ABCC3: variants seen among roughly 807,000 people sequenced by gnomAD.
ABCC3 encodes ATP binding cassette subfamily C member 3.
In ABCC3, 121 loss-of-function variants were observed where a neutral mutation model predicts 165.3. The observed-to-expected ratio is 0.73, with a 90% CI of 0.63 to 0.85. The LOEUF is 0.85. Ranked by LOEUF, ABCC3 falls within the 40% of genes least tolerant of loss-of-function variation. The pLI is 0.00. For synonymous variants in ABCC3, 733 were observed against 810.1 expected, an observed-to-expected ratio of 0.90 and a Z score of 1.62; for missense variants, 1,869 against 1,964.1, an observed-to-expected ratio of 0.95 and a Z score of 0.92.
intron 26 of ABCC3, among the ~76,000 whole-genome samples, chr17:50,683,350 TA>T (rs1202475371): frequency 0.04 from 4,478 of 111,362 alleles, 106 homozygotes; most frequent in African/African-American, 0.085. Flanking sequence ...TCTCAAAAAT[TA>T]AAAAAAAAAA....
Position 50,671,194 on chromosome 17 carries a change from T to G in ABCC3, c.2241+1666T>G, listed in dbSNP as rs73346364. Among the ~76,000 whole-genome samples, 1,440 of 151,368 alleles carry G rather than the reference T, an allele frequency of 9.5e-3. 19 individuals are homozygous for G. The highest frequency in any genetic ancestry group is 0.033 in the African/African-American group (1,338 of 41,138). ...TTGCGTAAGCCCAGGAGGCGGAGGT[T>G]GCAATGAACTGAGATTGATTGTATC... is the stretch of plus-strand genomic sequence containing the variant. On this transcript the variant is annotated intron_variant, in intron 17 of 30. Coordinates refer to ENST00000285238, the MANE Select transcript of ABCC3 (RefSeq NM_003786.4).
chr17:50,689,703 A>G (rs1185266342), intron 30 of ABCC3, among the ~76,000 whole-genome samples: 2 of 152,062 alleles, frequency 1.3e-5, no homozygotes, highest in African/African-American at 2.4e-5. Flanking sequence ...TGTCTGTTCC[A>G]TCCCTCTCCT....
intron 1 of ABCC3, among the ~76,000 whole-genome samples, chr17:50,639,321 T>C (rs1351775163): frequency 1.3e-5 from 2 of 152,170 alleles, no homozygotes; most frequent in Non-Finnish European, 1.5e-5. Flanking sequence ...GGCTGGCTTC[T>C]CCTCAATCCT....
intron 30 of ABCC3, among the ~76,000 whole-genome samples, chr17:50,689,910 T>C (rs535378444): frequency 1.7e-4 from 26 of 152,294 alleles, no homozygotes; most frequent in Non-Finnish European, 3.1e-4. Flanking sequence ...AGTTCATTCA[T>C]TCTAGTGGAA....
intron 17 of ABCC3, among the ~76,000 whole-genome samples, chr17:50,672,162 C>G (rs1481741407): frequency 6.6e-6 from 1 of 152,176 alleles, no homozygotes; most frequent in Non-Finnish European, 1.5e-5. Context: ...GTAAATGCCA[C>G]CCCTCAATCC....
At chr17:50,690,600 G>C (rs909768868) in intron 30 of ABCC3, among the ~76,000 whole-genome samples, 1 of 152,150 alleles carries the variant, frequency 6.6e-6, no homozygotes, top group Non-Finnish European at 1.5e-5. Context: ...TTGTGTGTGA[G>C]CTGGAGACCC....
At position 50,667,422 on chromosome 17, in the gene ABCC3, G is replaced by A. The variant is rs1967546809; in HGVS notation, c.1432-132G>A. The A allele has an allele frequency of 6.2e-6, 5 of 805,908 alleles. No homozygotes were observed. In the South Asian group the frequency reaches 8.5e-5, roughly 14 times the overall value. The allele number at this position is 805,908 out of a possible 1,614,324, so 49.9% of individuals were successfully genotyped here. A position where few individuals can be genotyped will look rare whatever the true frequency, so the allele number is the denominator to read the frequency against. ...CAAGGCACAGCACAGGCCCAGCAAGGAGTTGTGAGAAGGAATGGTGGGCAG... is the reference window on the plus strand; with the variant it reads ...CAAGGCACAGCACAGGCCCAGCAAGAAGTTGTGAGAAGGAATGGTGGGCAG... On this transcript the variant is annotated intron_variant, in intron 11 of 30. Coordinates refer to ENST00000285238, the MANE Select transcript of ABCC3 (RefSeq NM_003786.4).
At chr17:50,656,988 A>G in intron 3 of ABCC3, 58 bp from the exon 4 acceptor site, 1 of 1,572,720 alleles carries the variant, frequency 6.4e-7, no homozygotes, top group Non-Finnish European at 8.6e-7. Context: ...ATGGGGAGAA[A>G]TGGAGGCAGG....
At chr17:50,674,004 C>T (rs1162719242) in intron 19 of ABCC3, among the ~76,000 whole-genome samples, 2,205 of 11,826 alleles carry the variant, frequency 0.19, 380 homozygotes, top group Middle Eastern at 0.27. Context: ...CTCTCTCTCT[C>T]TCTCTCTCTC....
At chr17:50,689,317 A>C (rs1403339875) in intron 30 of ABCC3, among the ~76,000 whole-genome samples, 2 of 152,222 alleles carry the variant, frequency 1.3e-5, no homozygotes, top group Non-Finnish European at 2.9e-5. Context: ...CCATGCCCTC[A>C]GAAGCTTGTG....
chr17:50,656,542 C>G (rs1201117170), intron 2 of ABCC3, among the ~76,000 whole-genome samples, 160 bp from the exon 3 acceptor site: 1 of 152,258 alleles, frequency 6.6e-6, no homozygotes, highest in Non-Finnish European at 1.5e-5. Context: ...AACACTCTCC[C>G]CACCTCCAGC....
chr17:50,647,246 A>T (rs568643181), intron 1 of ABCC3, among the ~76,000 whole-genome samples: 1 of 152,192 alleles, frequency 6.6e-6, no homozygotes, highest in Admixed American at 6.5e-5. Context: ...AGTCTCAAAC[A>T]CCTCTTTGTC....
chr17:50,673,200 T>C, intron 18 of ABCC3, 62 bp downstream of exon 18: 1 of 1,590,550 alleles, frequency 6.3e-7, no homozygotes, highest in Non-Finnish European at 8.6e-7. Flanking sequence ...AGAGAGCTGG[T>C]GAGAGGCTGA....
intron 1 of ABCC3, among the ~76,000 whole-genome samples, chr17:50,637,409 C>T (rs1471065489): frequency 6.6e-6 from 1 of 152,198 alleles, no homozygotes; most frequent in African/African-American, 2.4e-5. Flanking sequence ...CTGGGCTGTT[C>T]ATTTGTGATG....
intron 19 of ABCC3, chr17:50,674,417 G>C (rs1353268024): frequency 6.6e-6 from 1 of 152,174 alleles, no homozygotes; most frequent in Non-Finnish European, 1.5e-5. Flanking sequence ...GGCCCAGCTT[G>C]TGTGGCAAGG....
intron 1 of ABCC3, among the ~76,000 whole-genome samples, chr17:50,636,688 T>C (rs1204825695): frequency 6.6e-6 from 1 of 152,200 alleles, no homozygotes; most frequent in African/African-American, 2.4e-5. Context: ...GGCTCATTGT[T>C]CCTGGGTAGC....
At chr17:50,635,207 G>A (rs752022580) in intron 1 of ABCC3, 8 of 621,136 alleles carry the variant, frequency 1.3e-5, no homozygotes, top group Admixed American at 5.8e-5. Flanking sequence ...TGCCCTTCCC[G>A]GCTGCAGCAC....
intron 19 of ABCC3, 33 bp from the exon 20 acceptor site, chr17:50,675,329 G>A: frequency 6.5e-7 from 1 of 1,537,282 alleles, no homozygotes; most frequent in Non-Finnish European, 8.9e-7. Context: ...AGAACTAGCT[G>A]AACCCTATCT....
rs117116566 is a variant in ABCC3 at position 50,690,730 on chromosome 17, C to T, written c.4476-362C>T. Among the ~76,000 whole-genome samples the T allele has an allele frequency of 6.9e-4, 105 of 152,298 alleles. 1 individual carries two copies. In the East Asian group the frequency reaches 0.012, roughly 18 times the overall value. On this transcript the variant is annotated intron_variant, in intron 30 of 30. Transcript: ENST00000285238. ...TTTCCTGCCGTGTGCTTTTGTGAGC[C>T]GACACAAAGCAGATGGATGTGCACA...
Sources: gnomAD v4.1 joint callset for allele counts (sites outside exome capture counted in the v4.1 genomes callset) on GRCh38, gnomAD v4.1.1 for gene constraint, MANE v1.5 for transcripts, NCBI Gene and HGNC (gene_info 2026-07-23, HGNC 2026-07-21) for gene names.